TBC1D5: variants seen among roughly 807,000 people sequenced by gnomAD.
The protein encoded by TBC1D5 is TBC1 domain family, member 5.
A neutral mutation model predicts 100.3 loss-of-function variants in TBC1D5; 75 were observed. The ratio of observed to expected loss-of-function variants is 0.75; its 90% confidence interval spans 0.62 to 0.91. The LOEUF (loss-of-function observed/expected upper bound fraction) is 0.91. TBC1D5 is among the 40% of genes least tolerant of loss of function. TBC1D5 has a pLI of 0.00. For synonymous variants in TBC1D5, 323 were observed against 325.6 expected, an observed-to-expected ratio of 0.99 and a Z score of 0.09; for missense variants, 910 against 942.4, an observed-to-expected ratio of 0.97 and a Z score of 0.45.
At chr3:17,227,005 C>A (rs1006220510) in intron 17 of TBC1D5, among the ~76,000 whole-genome samples, 1 of 152,104 alleles carries the variant, frequency 6.6e-6, no homozygotes, top group African/African-American at 2.4e-5. Context: ...TTCTGTTTAG[C>A]ACTGGGGAGG....
At chr3:17,292,950 A>AT (rs1258335188) in intron 14 of TBC1D5, among the ~76,000 whole-genome samples, 2 of 152,326 alleles carry the variant, frequency 1.3e-5, no homozygotes, top group East Asian at 3.9e-4. Context: ...AATATCTTTG[A>AT]TTTTTAGATT....
chr3:17,525,427 G>A lies in TBC1D5; in HGVS notation c.-35-16822C>T, dbSNP rs758891296. Among the ~76,000 whole-genome samples, 6 of 152,046 alleles carry A rather than the reference G, an allele frequency of 3.9e-5. No homozygotes were observed. The East Asian group carries it at 5.8e-4, about 15-fold the overall frequency. On this transcript the variant is annotated intron_variant, in intron 2 of 21. Coordinates refer to ENST00000253692, the Ensembl canonical transcript of TBC1D5. ...ATTACAGGTGTGAGCCACCACACCC[G>A]GCCAGGGATGTATCTTTTAAAAATA...
At chr3:17,669,217 G>T (rs1319826146) in intron 1 of TBC1D5, among the ~76,000 whole-genome samples, 1 of 152,070 alleles carries the variant, frequency 6.6e-6, no homozygotes, top group African/African-American at 2.4e-5. Context: ...TGTGAAGAAG[G>T]ACGAGTTTGC....
At chr3:17,563,983 C>T (rs960406238) in intron 2 of TBC1D5, among the ~76,000 whole-genome samples, 20 of 152,052 alleles carry the variant, frequency 1.3e-4, no homozygotes, top group Non-Finnish European at 2.2e-4. Context: ...GGGGTTTCAC[C>T]GTGTTAGCCA....
At chr3:17,472,264 G>A (rs529536581) in intron 3 of TBC1D5, among the ~76,000 whole-genome samples, 16 of 151,172 alleles carry the variant, frequency 1.1e-4, no homozygotes, top group African/African-American at 2.7e-4. Context: ...TCAGCCTCCC[G>A]AGTAGCTGGG....
intron 3 of TBC1D5, among the ~76,000 whole-genome samples, chr3:17,460,131 T>C (rs2095174758): frequency 6.6e-6 from 1 of 152,170 alleles, no homozygotes; most frequent in African/African-American, 2.4e-5. Flanking sequence ...AAAATTAAAG[T>C]ATATATGCCA....
chr3:17,488,069 C>T (rs1488425856), intron 3 of TBC1D5, among the ~76,000 whole-genome samples: 1 of 152,136 alleles, frequency 6.6e-6, no homozygotes, highest in Non-Finnish European at 1.5e-5. Flanking sequence ...TGACATGTGC[C>T]CACATTACAG....
At chr3:17,341,896 G>T (rs2089018802) in intron 13 of TBC1D5, among the ~76,000 whole-genome samples, 1 of 151,910 alleles carries the variant, frequency 6.6e-6, no homozygotes, top group African/African-American at 2.4e-5. Context: ...ATTACTCCTA[G>T]TCCTTAAGGC....
chr3:17,555,404 G>C (rs1283041761), intron 2 of TBC1D5, among the ~76,000 whole-genome samples: 1 of 152,170 alleles, frequency 6.6e-6, no homozygotes, highest in Non-Finnish European at 1.5e-5. Flanking sequence ...TGTCCAGAAA[G>C]GCGGGGCATC....
chr3:17,472,392 C>A (rs1191932881), intron 3 of TBC1D5, among the ~76,000 whole-genome samples: 2 of 152,070 alleles, frequency 1.3e-5, no homozygotes, highest in Non-Finnish European at 2.9e-5. Context: ...CCCACCTCAG[C>A]CTCCCAAAGT....
intron 1 of TBC1D5, among the ~76,000 whole-genome samples, chr3:17,655,355 T>C (rs2065960306): frequency 6.6e-6 from 1 of 151,434 alleles, no homozygotes; most frequent in African/African-American, 2.4e-5. Context: ...TACCTAATGC[T>C]AAATGAGGAG....
chr3:17,231,879 G>A (rs1392083466), intron 17 of TBC1D5, among the ~76,000 whole-genome samples: 1 of 152,022 alleles, frequency 6.6e-6, no homozygotes, highest in African/African-American at 2.4e-5. Flanking sequence ...TCTCTGCTAG[G>A]GTATGGGAGG....
At chr3:17,380,043 GTA>G (rs140883743) in intron 9 of TBC1D5, among the ~76,000 whole-genome samples, 12,376 of 74,892 alleles carry the variant, frequency 0.17, 632 homozygotes, top group African/African-American at 0.29. Flanking sequence ...CTGTGACTGT[GTA>G]TGTGTGTGTG....
chr3:17,622,885 G>C (rs879592157), intron 2 of TBC1D5: 5 of 152,174 alleles, frequency 3.3e-5, no homozygotes, highest in African/African-American at 4.8e-5. Flanking sequence ...GAAAACACCT[G>C]ATTAATACTA....
chr3:17,265,821 T>TA (rs2078788402), intron 15 of TBC1D5, among the ~76,000 whole-genome samples: 1 of 151,762 alleles, frequency 6.6e-6, no homozygotes. Flanking sequence ...ATTATCTCGT[T>TA]AGTGCCAAGC....
At chr3:17,425,596 G>A (rs2094317324) in intron 4 of TBC1D5, among the ~76,000 whole-genome samples, 1 of 152,044 alleles carries the variant, frequency 6.6e-6, no homozygotes, top group Non-Finnish European at 1.5e-5. Context: ...GCCACTGTAC[G>A]CCAGCCTGGG....
chr3:17,371,942 T>G, intron 13 of TBC1D5, 133 bp downstream of exon 13: 1 of 744,138 alleles, frequency 1.3e-6, no homozygotes, highest in Middle Eastern at 3.8e-4. Context: ...GAAGCTGAGA[T>G]GGGAGGATCG....
intron 1 of TBC1D5, among the ~76,000 whole-genome samples, chr3:17,648,603 A>G (rs969680016): frequency 2.0e-5 from 3 of 152,228 alleles, no homozygotes; most frequent in African/African-American, 7.2e-5. Flanking sequence ...ACCATCCAGC[A>G]TCTATAAGGA....
chr3:17,198,010 C>T (rs2070946394), intron 18 of TBC1D5, among the ~76,000 whole-genome samples: 1 of 152,282 alleles, frequency 6.6e-6, no homozygotes, highest in East Asian at 1.9e-4. Context: ...GCACTCCAGC[C>T]TGGGTGACAG....
Sources: allele counts gnomAD v4.1 joint callset (sites outside exome capture counted in the v4.1 genomes callset), GRCh38; gene constraint gnomAD v4.1.1; transcripts MANE v1.5; gene names NCBI Gene and HGNC (gene_info 2026-07-23, HGNC 2026-07-21).